ZCCHC7: variants seen among roughly 807,000 people sequenced by gnomAD.
ZCCHC7 encodes the protein zinc finger CCHC domain-containing protein 7.
Under a neutral mutation model 52.0 loss-of-function variants are expected in ZCCHC7, and 35 were observed. The ratio of observed to expected loss-of-function variants is 0.67; its 90% CI spans 0.51 to 0.89. The LOEUF is 0.89. ZCCHC7 is among the 40% of genes least tolerant of loss of function. The pLI is 0.00. For missense variants in ZCCHC7, 574 were observed against 649.1 expected, an observed-to-expected ratio of 0.88 and a Z score of 1.26; for synonymous variants, 217 against 221.5, an observed-to-expected ratio of 0.98 and a Z score of 0.18.
At chr9:37,183,893 C>T (rs996636637) in intron 2 of ZCCHC7, among the ~76,000 whole-genome samples, 1 of 152,234 alleles carries the variant, frequency 6.6e-6, no homozygotes, top group Non-Finnish European at 1.5e-5. Context: ...TGCTATTCCG[C>T]CCTCTACCCT....
chr9:37,160,627 C>T (rs1001728364), intron 2 of ZCCHC7, among the ~76,000 whole-genome samples: 6 of 152,178 alleles, frequency 3.9e-5, no homozygotes, highest in African/African-American at 1.4e-4. Context: ...TGGCTCACGC[C>T]TATAATCCCA....
At chr9:37,155,868 T>G (rs1820787981) in intron 2 of ZCCHC7, among the ~76,000 whole-genome samples, 1 of 152,232 alleles carries the variant, frequency 6.6e-6, no homozygotes, top group Non-Finnish European at 1.5e-5. Flanking sequence ...GCCTCATCAC[T>G]TCATAAATAT....
At chr9:37,257,889 A>G (rs1826667860) in intron 2 of ZCCHC7, among the ~76,000 whole-genome samples, 2 of 152,210 alleles carry the variant, frequency 1.3e-5, no homozygotes, top group Admixed American at 6.5e-5. Context: ...TGAAGAGTGA[A>G]CCAAATAAAC....
chr9:37,301,883 A>G (rs774756756), intron 2 of ZCCHC7, among the ~76,000 whole-genome samples: 4 of 151,926 alleles, frequency 2.6e-5, no homozygotes, highest in African/African-American at 4.8e-5. Context: ...TAATATTTGT[A>G]TGTAGTCTGA....
intron 6 of ZCCHC7, among the ~76,000 whole-genome samples, chr9:37,343,844 A>T (rs894436101): frequency 6.6e-6 from 1 of 152,220 alleles, no homozygotes; most frequent in Non-Finnish European, 1.5e-5. Flanking sequence ...GGCAGGCCAT[A>T]TGGTCTCTGT....
intron 2 of ZCCHC7, among the ~76,000 whole-genome samples, chr9:37,185,682 CT>C (rs957977889): frequency 2.6e-5 from 4 of 152,160 alleles, no homozygotes; most frequent in African/African-American, 9.7e-5. Flanking sequence ...TTACCTCTGT[CT>C]TCAGGTGGCT....
chr9:37,312,446 T>C (rs1829640391), intron 5 of ZCCHC7, among the ~76,000 whole-genome samples: 1 of 152,210 alleles, frequency 6.6e-6, no homozygotes, highest in Non-Finnish European at 1.5e-5. Context: ...TAAAGTGTAA[T>C]GTGAAAGTAC....
intron 2 of ZCCHC7, among the ~76,000 whole-genome samples, chr9:37,288,315 G>T (rs553844301): frequency 2.1e-5 from 3 of 141,162 alleles, no homozygotes; most frequent in Admixed American, 1.4e-4. Context: ...TATCTATATA[G>T]ATAGATAGAT....
At chr9:37,151,734 G>A (rs1820541951) in intron 2 of ZCCHC7, among the ~76,000 whole-genome samples, 1 of 152,124 alleles carries the variant, frequency 6.6e-6, no homozygotes, top group Non-Finnish European at 1.5e-5. Flanking sequence ...GAACCTGGGA[G>A]GCGGAGGTTG....
At chr9:37,133,089 G>T (rs898745751) in intron 2 of ZCCHC7, among the ~76,000 whole-genome samples, 1 of 152,110 alleles carries the variant, frequency 6.6e-6, no homozygotes, top group Admixed American at 6.6e-5. Context: ...AGCCGAGATC[G>T]TGCCACTGCA....
Position 37,159,128 on chromosome 9 carries a change from A to G in ZCCHC7, c.610+32186A>G, listed in dbSNP as rs73646327. On this transcript the variant is annotated intron_variant, in intron 2 of 8. Transcript: ENST00000336755. ...CATACTTTAACAGGTATGTTTTTCT[A>G]TTTCTCTCCGATTTATATAATCCTT... Among the ~76,000 whole-genome samples the G allele has an allele frequency of 5.5e-3, 836 of 152,236 alleles. 5 individuals are homozygous for G. Among genetic ancestry groups the G allele is most frequent in the African/African-American group, 0.019 (786 of 41,552 alleles).
At chr9:37,232,258 C>G (rs1825444086) in intron 2 of ZCCHC7, among the ~76,000 whole-genome samples, 1 of 152,148 alleles carries the variant, frequency 6.6e-6, no homozygotes, top group Non-Finnish European at 1.5e-5. Flanking sequence ...GAATAGGTGT[C>G]TTGTCAAAAT....
intron 3 of ZCCHC7, among the ~76,000 whole-genome samples, chr9:37,303,761 G>T (rs1829159401): frequency 7.0e-6 from 1 of 142,444 alleles, no homozygotes; most frequent in South Asian, 2.4e-4. Context: ...CCTCCCAGGC[G>T]CAAGCGATTC....
At chr9:37,273,416 T>A (rs1827524643) in intron 2 of ZCCHC7, among the ~76,000 whole-genome samples, 1 of 152,154 alleles carries the variant, frequency 6.6e-6, no homozygotes, top group Non-Finnish European at 1.5e-5. Flanking sequence ...GGCAGGAGAA[T>A]GGCGTGAACC....
At chr9:37,282,870 A>G (rs1828032665) in intron 2 of ZCCHC7, among the ~76,000 whole-genome samples, 1 of 135,394 alleles carries the variant, frequency 7.4e-6, no homozygotes, top group Non-Finnish European at 1.6e-5. Flanking sequence ...GAAGACCTGA[A>G]TCTTTTTTTT....
intron 2 of ZCCHC7, among the ~76,000 whole-genome samples, chr9:37,218,652 T>C (rs151013241): frequency 0.01 from 1,575 of 152,130 alleles, 29 homozygotes; most frequent in African/African-American, 0.037. Flanking sequence ...CTACTAAAAA[T>C]ACAAAAATTA....
intron 2 of ZCCHC7, among the ~76,000 whole-genome samples, chr9:37,271,729 C>G (rs1425212477): frequency 2.0e-5 from 3 of 152,042 alleles, no homozygotes; most frequent in Admixed American, 6.6e-5. Context: ...GCCAACATGC[C>G]TGGCTAATTT....
At chr9:37,337,043 C>T (rs571273530) in intron 6 of ZCCHC7, among the ~76,000 whole-genome samples, 2 of 152,214 alleles carry the variant, frequency 1.3e-5, no homozygotes, top group Admixed American at 6.5e-5. Context: ...ATTATTTAAC[C>T]TTTCAATTTA....
At chr9:37,201,864 A>T (rs1185859386) in intron 2 of ZCCHC7, among the ~76,000 whole-genome samples, 1 of 152,226 alleles carries the variant, frequency 6.6e-6, no homozygotes, top group Admixed American at 6.5e-5. Flanking sequence ...TATTATCTGC[A>T]TTGCACTGGG....
Sources: allele counts gnomAD v4.1 joint callset (sites outside exome capture counted in the v4.1 genomes callset), GRCh38; gene constraint gnomAD v4.1.1; transcripts MANE v1.5; gene names NCBI Gene and HGNC (gene_info 2026-07-23, HGNC 2026-07-21).